The following NRXN1 variants were observed in gnomAD, a reference collection of about 807,000 sequenced individuals.
NRXN1 encodes neurexin-1.
NRXN1 carries 39 observed loss-of-function variants against 150.9 expected under a neutral mutation model. The ratio of observed to expected loss-of-function variants is 0.26; its 90% confidence interval spans 0.20 to 0.34. The LOEUF is 0.34. Ranked by LOEUF, NRXN1 falls within the 10% of genes least tolerant of loss-of-function variation. The pLI is 1.00. For missense variants in NRXN1, 1,815 were observed against 1,949.9 expected, an observed-to-expected ratio of 0.93 and a Z score of 1.30; for synonymous variants, 924 against 757.0, an observed-to-expected ratio of 1.22 and a Z score of -3.62.
chr2:50,298,092 G>T (rs1267490413), intron 17 of NRXN1, among the ~76,000 whole-genome samples: 1 of 151,828 alleles, frequency 6.6e-6, no homozygotes, highest in Non-Finnish European at 1.5e-5. Context: ...TTAATAAAAA[G>T]ACAAAATTTT....
chr2:50,097,923 G>A (rs1189486994), intron 18 of NRXN1, among the ~76,000 whole-genome samples: 1 of 152,112 alleles, frequency 6.6e-6, no homozygotes, highest in African/African-American at 2.4e-5. Flanking sequence ...ACACGTGTGA[G>A]CCACTGCCCC....
At chr2:50,751,178 A>G (rs1388800041) in intron 5 of NRXN1, among the ~76,000 whole-genome samples, 1 of 151,874 alleles carries the variant, frequency 6.6e-6, no homozygotes, top group Non-Finnish European at 1.5e-5. Flanking sequence ...TGGATTTAAC[A>G]CTTTCTGTGC....
intron 19 of NRXN1, among the ~76,000 whole-genome samples, chr2:50,074,401 G>A (rs1696747837): frequency 6.6e-6 from 1 of 152,004 alleles, no homozygotes; most frequent in Non-Finnish European, 1.5e-5. Flanking sequence ...GATTTTTATG[G>A]AGGCTAGAAC....
intron 3 of NRXN1, among the ~76,000 whole-genome samples, chr2:50,925,582 G>A (rs1686735749): frequency 1.3e-5 from 2 of 151,708 alleles, no homozygotes; most frequent in Non-Finnish European, 2.9e-5. Flanking sequence ...GATAAAAAAT[G>A]GAAAAAGGAT....
intron 5 of NRXN1, among the ~76,000 whole-genome samples, chr2:50,837,268 A>C (rs1672250252): frequency 6.6e-6 from 1 of 152,134 alleles, no homozygotes. Flanking sequence ...GAATAGCGCA[A>C]AAATTGTGCT....
At chr2:50,796,602 T>C (rs1181527507) in intron 5 of NRXN1, among the ~76,000 whole-genome samples, 5 of 152,154 alleles carry the variant, frequency 3.3e-5, no homozygotes, top group African/African-American at 9.7e-5. Flanking sequence ...AGTGATAACA[T>C]ACAAATGGAG....
chr2:50,014,830 T>C (rs1686303695), intron 21 of NRXN1, among the ~76,000 whole-genome samples: 1 of 151,990 alleles, frequency 6.6e-6, no homozygotes, highest in Non-Finnish European at 1.5e-5. Context: ...GAATCTAGCA[T>C]AAACAAAAAA....
intron 6 of NRXN1, among the ~76,000 whole-genome samples, chr2:50,623,027 A>G (rs1680319707): frequency 6.6e-6 from 1 of 152,112 alleles, no homozygotes; most frequent in Non-Finnish European, 1.5e-5. Flanking sequence ...AACCAAAAAC[A>G]CAACAAAATC....
At chr2:50,661,886 G>C (rs1356439440) in intron 5 of NRXN1, among the ~76,000 whole-genome samples, 1 of 152,010 alleles carries the variant, frequency 6.6e-6, no homozygotes, top group Non-Finnish European at 1.5e-5. Flanking sequence ...TTCATGAAGT[G>C]CTTCCTGAAA....
At chr2:50,882,028 T>C (rs1043512988) in intron 5 of NRXN1, among the ~76,000 whole-genome samples, 1 of 151,884 alleles carries the variant, frequency 6.6e-6, no homozygotes, top group African/African-American at 2.4e-5. Flanking sequence ...TTTTTGTTCT[T>C]TGCAAATAAC....
chr2:50,360,403 G>A (rs1346165752), intron 17 of NRXN1, among the ~76,000 whole-genome samples: 1 of 152,164 alleles, frequency 6.6e-6, no homozygotes, highest in Non-Finnish European at 1.5e-5. Flanking sequence ...AAAATAAAAT[G>A]ATGGAGGAAG....
chr2:50,816,102 AT>A (rs1390857356), intron 5 of NRXN1, among the ~76,000 whole-genome samples: 1 of 152,144 alleles, frequency 6.6e-6, no homozygotes, highest in Non-Finnish European at 1.5e-5. Context: ...AGCTTAAAAT[AT>A]TGTATCTTTT....
At chr2:50,543,888 T>C (rs1408573396) in intron 9 of NRXN1, among the ~76,000 whole-genome samples, 1 of 152,152 alleles carries the variant, frequency 6.6e-6, no homozygotes, top group Admixed American at 6.5e-5. Context: ...GAAAATAGTG[T>C]GCTGTAATAG....
At chr2:50,675,676 G>A (rs938620138) in intron 5 of NRXN1, among the ~76,000 whole-genome samples, 4 of 152,066 alleles carry the variant, frequency 2.6e-5, no homozygotes, top group Admixed American at 6.6e-5. Flanking sequence ...TGTCATTACC[G>A]TTACTCCAGT....
rs150672534 is a variant in NRXN1 at position 50,058,669 on chromosome 2, C to T, written c.3719-3625G>A. ...ACCCAAATCTCATCTTGGATTGTCGCTCCCATAATCCCTACAAGTGGCAGG... is the reference window on the plus strand; with the variant it reads ...ACCCAAATCTCATCTTGGATTGTCGTTCCCATAATCCCTACAAGTGGCAGG... On this transcript the variant is annotated intron_variant, in intron 19 of 22. Coordinates refer to ENST00000401669, the MANE Select transcript of NRXN1 (RefSeq NM_001330078.2). Among the ~76,000 whole-genome samples, 1,159 of 152,306 alleles carry T rather than the reference C, an allele frequency of 7.6e-3. 21 individuals carry two copies. The highest frequency in any genetic ancestry group is 0.026 in the African/African-American group (1,085 of 41,576).
intron 2 of NRXN1, among the ~76,000 whole-genome samples, chr2:50,953,773 T>C (rs1050695451): frequency 5.3e-5 from 8 of 151,944 alleles, no homozygotes; most frequent in Admixed American, 2.6e-4. Context: ...GTTGGCCAGA[T>C]TGGTCTTGAA....
At chr2:49,962,334 T>C (rs548938155) in intron 21 of NRXN1, among the ~76,000 whole-genome samples, 3 of 152,238 alleles carry the variant, frequency 2.0e-5, no homozygotes, top group Admixed American at 1.3e-4. Flanking sequence ...CTTAACCCAT[T>C]TGCATCCCGT....
At chr2:50,224,228 A>G (rs75722059) in intron 18 of NRXN1, among the ~76,000 whole-genome samples, 1 of 152,088 alleles carries the variant, frequency 6.6e-6, no homozygotes, top group East Asian at 1.9e-4. Flanking sequence ...TCCTTTGTAC[A>G]AAGAAAAATG....
chr2:50,430,733 A>C (rs2084902154), intron 17 of NRXN1, among the ~76,000 whole-genome samples: 1 of 152,224 alleles, frequency 6.6e-6, no homozygotes, highest in Non-Finnish European at 1.5e-5. Flanking sequence ...AATACTGCTG[A>C]GAACATTTCA....
Sources: allele counts gnomAD v4.1 joint callset (sites outside exome capture counted in the v4.1 genomes callset), GRCh38; gene constraint gnomAD v4.1.1; transcripts MANE v1.5; gene names NCBI Gene and HGNC (gene_info 2026-07-23, HGNC 2026-07-21).